The following ROBO1 variants were observed in gnomAD, a reference collection of about 807,000 sequenced individuals.
ROBO1 encodes the protein roundabout homolog 1.
A neutral mutation model predicts 195.9 loss-of-function variants in ROBO1; 149 were observed. The observed-to-expected ratio is 0.76, with a 90% CI of 0.67 to 0.87. ROBO1 has a LOEUF of 0.87. Ranked by LOEUF, ROBO1 falls within the 40% of genes least tolerant of loss-of-function variation. ROBO1 has a pLI of 0.00. For missense variants in ROBO1, 1,933 were observed against 2,068.3 expected, an observed-to-expected ratio of 0.93 and a Z score of 1.27; for synonymous variants, 816 against 733.2, an observed-to-expected ratio of 1.11 and a Z score of -1.82.
chr3:79,327,641 A>G (rs1466905485), intron 2 of ROBO1, among the ~76,000 whole-genome samples: 1 of 152,104 alleles, frequency 6.6e-6, no homozygotes, highest in Non-Finnish European at 1.5e-5. Context: ...GATGTTCTTT[A>G]TCCTGCATGA....
At chr3:79,574,927 TA>T (rs1390125451) in intron 2 of ROBO1, among the ~76,000 whole-genome samples, 2 of 150,914 alleles carry the variant, frequency 1.3e-5, no homozygotes, top group Non-Finnish European at 3.0e-5. Context: ...AAAATAAAAC[TA>T]AAAACATAAC....
At chr3:78,781,260 A>G (rs570993756) in intron 4 of ROBO1, among the ~76,000 whole-genome samples, 6 of 152,286 alleles carry the variant, frequency 3.9e-5, no homozygotes, top group African/African-American at 1.4e-4. Flanking sequence ...GATTTATCAC[A>G]CAATTTTCTC....
intron 3 of ROBO1, among the ~76,000 whole-genome samples, chr3:79,091,628 T>A: frequency 6.6e-6 from 1 of 152,124 alleles, no homozygotes; most frequent in East Asian, 1.9e-4. Flanking sequence ...TATACAGTGA[T>A]AAGGACTATG....
In ROBO1 at chr3:78,702,077, T is replaced by A. The variant is rs929985431; in HGVS notation, c.1045+12320A>T. Among the ~76,000 whole-genome samples the A allele has an allele frequency of 2.6e-5, 4 of 152,346 alleles. No homozygotes were observed. In the South Asian group the frequency reaches 8.3e-4, roughly 32 times the overall value. On this transcript the variant is annotated intron_variant, in intron 8 of 30. Transcript: ENST00000464233. ...TTTAAAAACTAAAAAAGAATTGCTT[T>A]GTATTTTTAAATTACTAAGATAAGG...
intron 30 of ROBO1, among the ~76,000 whole-genome samples, chr3:78,599,574 TATG>T (rs1241792329): frequency 2.0e-5 from 3 of 152,210 alleles, no homozygotes; most frequent in Admixed American, 6.5e-5. Flanking sequence ...GGGGAGAATT[TATG>T]ATATGTCAAG....
chr3:79,404,344 A>C (rs1312461327), intron 2 of ROBO1, among the ~76,000 whole-genome samples: 1 of 152,146 alleles, frequency 6.6e-6, no homozygotes, highest in East Asian at 1.9e-4. Flanking sequence ...GGTAAAAATC[A>C]ACTATGCCTC....
intron 4 of ROBO1, among the ~76,000 whole-genome samples, chr3:78,917,035 A>G (rs1219741030): frequency 2.0e-5 from 3 of 152,090 alleles, no homozygotes; most frequent in African/African-American, 7.2e-5. Flanking sequence ...CTAAATTATT[A>G]AATTCTTATT....
chr3:78,722,177 G>A (rs1334300742), intron 5 of ROBO1, among the ~76,000 whole-genome samples: 1 of 152,012 alleles, frequency 6.6e-6, no homozygotes, highest in Non-Finnish European at 1.5e-5. Flanking sequence ...CATGTGTTTG[G>A]TATTGAATAT....
chr3:79,210,888 T>C lies in ROBO1; in HGVS notation c.89-85349A>G, dbSNP rs146486094. Among the ~76,000 whole-genome samples the C allele has an allele frequency of 9.3e-3, 1,411 of 152,224 alleles. 20 individuals carry two copies. The highest frequency in any genetic ancestry group is 0.032 in the African/African-American group (1,333 of 41,546). On this transcript the variant is annotated intron_variant, in intron 2 of 30. Coordinates refer to ENST00000464233, the MANE Select transcript of ROBO1 (RefSeq NM_002941.4). ...ACAGACAGCAGGTCTAAATCAGACG[T>C]CCTAATTTCATTTCCATTTCTGGTC...
intron 29 of ROBO1, among the ~76,000 whole-genome samples, chr3:78,602,466 C>A (rs774589925): frequency 1.3e-5 from 2 of 152,118 alleles, no homozygotes; most frequent in Non-Finnish European, 2.9e-5. Flanking sequence ...TTATAAATTA[C>A]CCAGTCTCAG....
chr3:79,525,413 A>C (rs1941387108), intron 2 of ROBO1, among the ~76,000 whole-genome samples: 1 of 149,592 alleles, frequency 6.7e-6, no homozygotes, highest in Admixed American at 6.7e-5. Context: ...TCCAGCTCCT[A>C]CCATACCAAT....
intron 2 of ROBO1, among the ~76,000 whole-genome samples, chr3:79,441,227 A>C (rs1271337506): frequency 6.6e-6 from 1 of 152,172 alleles, no homozygotes; most frequent in Non-Finnish European, 1.5e-5. Context: ...TAGCAATAAC[A>C]CTTAACATAG....
chr3:79,021,387 A>AT (rs2078097829), intron 3 of ROBO1, among the ~76,000 whole-genome samples: 1 of 152,224 alleles, frequency 6.6e-6, no homozygotes, highest in African/African-American at 2.4e-5. Flanking sequence ...TCAAATCCTC[A>AT]TATCATTTGA....
At chr3:79,374,823 A>T (rs1035692885) in intron 2 of ROBO1, among the ~76,000 whole-genome samples, 8 of 132,446 alleles carry the variant, frequency 6.0e-5, no homozygotes, top group Non-Finnish European at 1.1e-4. Context: ...TTGGAATAAT[A>T]GTTGGGCTTG....
chr3:78,760,363 G>A (rs1435482132), intron 4 of ROBO1, among the ~76,000 whole-genome samples: 1 of 152,058 alleles, frequency 6.6e-6, no homozygotes, highest in East Asian at 1.9e-4. Flanking sequence ...TATAATTTTA[G>A]GTAATTATAA....
intron 2 of ROBO1, among the ~76,000 whole-genome samples, chr3:79,313,080 G>C (rs574226892): frequency 6.6e-6 from 1 of 151,716 alleles, no homozygotes; most frequent in East Asian, 1.9e-4. Context: ...CCAGCTACTC[G>C]GGAGGCTGAG....
chr3:78,654,479 T>G (rs1706871596), intron 18 of ROBO1, among the ~76,000 whole-genome samples: 1 of 152,226 alleles, frequency 6.6e-6, no homozygotes, highest in Middle Eastern at 3.2e-3. Flanking sequence ...AGCAGACCTA[T>G]TCTTCTTATC....
chr3:79,126,072 C>T (rs556207993), intron 2 of ROBO1, among the ~76,000 whole-genome samples: 17 of 152,216 alleles, frequency 1.1e-4, no homozygotes, highest in Non-Finnish European at 2.1e-4. Context: ...AAATGTCATA[C>T]TTTTTTCTGA....
chr3:79,608,502 A>G (rs1944558049), intron 1 of ROBO1, among the ~76,000 whole-genome samples: 1 of 151,968 alleles, frequency 6.6e-6, no homozygotes, highest in Admixed American at 6.6e-5. Flanking sequence ...TGACACAGGG[A>G]AGGAAAGGGT....
Sources: allele counts gnomAD v4.1 joint callset (sites outside exome capture counted in the v4.1 genomes callset), GRCh38; gene constraint gnomAD v4.1.1; transcripts MANE v1.5; gene names NCBI Gene and HGNC (gene_info 2026-07-23, HGNC 2026-07-21).